Variants in PAK2 observed in about 807,000 individuals in gnomAD.
The protein encoded by PAK2 is p21 (RAC1) activated kinase 2, also known as serine/threonine-protein kinase PAK 2.
A neutral mutation model predicts 65.9 loss-of-function variants in PAK2; 21 were observed. The observed-to-expected ratio is 0.32, with a 90% confidence interval of 0.23 to 0.46. The LOEUF (loss-of-function observed/expected upper bound fraction) is 0.46, where lower values mean the gene tolerates loss of function less well. Among genes scored for constraint, PAK2 ranks in the 20% least tolerant of loss-of-function variants. PAK2 has a pLI of 1.00. For missense variants in PAK2, 324 were observed against 642.6 expected (o/e 0.50, Z 5.36); for synonymous variants, 204 against 219.7 (o/e 0.93, Z 0.63).
At chr3:196,758,481 AG>A (rs1713838391) in intron 1 of PAK2, among the ~76,000 whole-genome samples, 1 of 152,252 alleles carries the variant, frequency 6.6e-6, no homozygotes, top group East Asian at 1.9e-4. Flanking sequence ...TGGCAATTAA[AG>A]AAACAGTAAG....
At chr3:196,763,959 C>T (rs71630195) in intron 1 of PAK2, among the ~76,000 whole-genome samples, 20,782 of 124,374 alleles carry the variant, frequency 0.17, 1,649 homozygotes, top group Admixed American at 0.23. Flanking sequence ...CCACCACGCC[C>T]GGCTATTTTT....
chr3:196,819,582 T>C (rs749122602), intron 12 of PAK2, among the ~76,000 whole-genome samples: 1 of 152,212 alleles, frequency 6.6e-6, no homozygotes, highest in Admixed American at 6.6e-5. Context: ...TTCATGCATA[T>C]GTACATGCAT....
rs1029801656 is a variant in PAK2, at chr3:196,806,526, C to T, written c.469-53C>T. On this transcript the variant is annotated intron_variant, in intron 5 of 14. Coordinates refer to ENST00000327134, the MANE Select transcript of PAK2 (RefSeq NM_002577.4). ...AAGTACGTTCATAAAGGGCGATAGT[C>T]GCATTTAAGCCTATTGGACTTGTTT... The T allele has an allele frequency of 6.5e-6, 7 of 1,082,130 alleles. No individual in the cohort carries two copies. In the Admixed American group the frequency reaches 6.9e-5, roughly 11 times the overall value. The allele number at this position is 1,082,130 out of a possible 1,614,324, so 67.0% of individuals were successfully genotyped here.
Position 196,828,567 on chromosome 3 carries a change from A to G in PAK2, c.*162A>G, listed in dbSNP as rs1301208251. On this transcript the variant is annotated 3_prime_UTR_variant, in exon 15 of 15. Coordinates refer to ENST00000327134, the MANE Select transcript of PAK2 (RefSeq NM_002577.4). ...GAAGACAACCAAGAGAAAATTGCAA[A>G]AAGACAAGTATGACTTTTATATGAA... 1 of 609,446 alleles carries G rather than the reference A, an allele frequency of 1.6e-6. No individual in the cohort carries two copies. Among genetic ancestry groups the G allele is most frequent in the East Asian group, 3.0e-5 (1 of 33,804 alleles). The allele number at this position is 609,446 out of a possible 1,614,324, so 37.8% of individuals were successfully genotyped here.
intron 2 of PAK2, among the ~76,000 whole-genome samples, chr3:196,798,651 A>C (rs747731058): frequency 2.0e-5 from 3 of 152,118 alleles, no homozygotes; most frequent in Non-Finnish European, 4.4e-5. Flanking sequence ...GCCAATGTTA[A>C]ATTCTTAGCA....
At chr3:196,799,103 A>T (rs999914651) in intron 2 of PAK2, among the ~76,000 whole-genome samples, 3 of 152,232 alleles carry the variant, frequency 2.0e-5, no homozygotes, top group African/African-American at 7.2e-5. Context: ...ATTGGAAAGA[A>T]GTAAACTTGA....
At chr3:196,803,727 CAT>C (rs1433457504) in intron 4 of PAK2, among the ~76,000 whole-genome samples, 2 of 152,174 alleles carry the variant, frequency 1.3e-5, no homozygotes, top group African/African-American at 4.8e-5. Flanking sequence ...ATATCATCTA[CAT>C]AGTCACAGTA....
chr3:196,807,957 C>A, intron 7 of PAK2, 43 bp downstream of exon 7: 1 of 1,561,960 alleles, frequency 6.4e-7, no homozygotes, highest in Non-Finnish European at 8.7e-7. Flanking sequence ...TTGTTCACGG[C>A]TCTTAAAACA....
chr3:196,790,734 TGCAACCATCGGCCTCAACTAGCCAAG>T (rs1175239016), intron 2 of PAK2, among the ~76,000 whole-genome samples: 1 of 152,214 alleles, frequency 6.6e-6, no homozygotes, highest in African/African-American at 2.4e-5. Flanking sequence ...TGTAAAGCGT[TGCAACCATCGGCCTCAACTAGCCAAG>T]GAAGCTTGCA....
chr3:196,752,810 T>C (rs1284202160), intron 1 of PAK2, among the ~76,000 whole-genome samples: 1 of 150,336 alleles, frequency 6.7e-6, no homozygotes, highest in Non-Finnish European at 1.5e-5. Flanking sequence ...CGTGTTGGTC[T>C]CAAACTCCTG....
chr3:196,823,811 CAA>C (rs1004879720), intron 13 of PAK2, among the ~76,000 whole-genome samples: 46 of 76,820 alleles, frequency 6.0e-4, no homozygotes, highest in Admixed American at 9.3e-4. Flanking sequence ...GATTCTGTCG[CAA>C]AAAAAAAAAA....
At chr3:196,787,654 G>A (rs1309867281) in intron 2 of PAK2, among the ~76,000 whole-genome samples, 1 of 152,100 alleles carries the variant, frequency 6.6e-6, no homozygotes. Context: ...CTTTGTAGCT[G>A]AGGGTGGGGA....
intron 1 of PAK2, among the ~76,000 whole-genome samples, chr3:196,780,232 C>T (rs1419677664): frequency 2.0e-5 from 3 of 152,206 alleles, no homozygotes; most frequent in Non-Finnish European, 2.9e-5. Flanking sequence ...TTTTTCACTC[C>T]CTTTTCCCAG....
rs1711527975 is a variant in PAK2 at position 196,818,054 on chromosome 3, C to G, written c.1054-3C>G. 8.0e-7 allele frequency: 1 copy of G among 1,243,982 alleles called. No homozygotes were observed. Among genetic ancestry groups the G allele is most frequent in the Non-Finnish European group, 1.2e-6 (1 of 847,672 alleles). 77.1% of individuals were successfully genotyped at this position (1,243,982 alleles called of 1,614,324 possible). ...CATTAATAGGTGTTTTTCTTCTGTT[C>G]AGTGTTTACAGGCATTGGAGTTTTT... On this transcript the variant is annotated splice_region_variant and splice_polypyrimidine_tract_variant and intron_variant, in intron 11 of 14. Coordinates refer to ENST00000327134, the MANE Select transcript of PAK2 (RefSeq NM_002577.4).
chr3:196,783,754 C>G (rs560438136), intron 2 of PAK2, among the ~76,000 whole-genome samples: 23 of 152,208 alleles, frequency 1.5e-4, no homozygotes, highest in Middle Eastern at 6.8e-3. Flanking sequence ...AATTTTATAA[C>G]ATATCTAGTC....
rs1198442313 is a variant in PAK2 at position 196,791,546 on chromosome 3, T to C, written c.187+8713T>C. ...AGGAACCAGGAATACTCTTGCTAGA[T>C]ATGTTATCTCTCACCCTTCTTTTTA... is the stretch of plus-strand genomic sequence containing the variant. On this transcript the variant is annotated intron_variant, in intron 2 of 14. Transcript: ENST00000327134. This position sits in a 1 kb window ranked among gnomAD's most constrained non-coding sequence, Gnocchi z 4.0. Among the ~76,000 whole-genome samples the C allele has an allele frequency of 6.6e-6, 1 of 152,230 alleles. No individual in the cohort carries two copies. Among genetic ancestry groups the C allele is most frequent in the African/African-American group, 2.4e-5 (1 of 41,466 alleles).
intron 13 of PAK2, among the ~76,000 whole-genome samples, chr3:196,821,227 T>G (rs182343256): frequency 2.1e-4 from 32 of 152,152 alleles, no homozygotes; most frequent in African/African-American, 7.7e-4. Flanking sequence ...AATCAGAGGC[T>G]GAGGCAAGAG....
intron 1 of PAK2, among the ~76,000 whole-genome samples, chr3:196,779,931 A>G (rs1264732739): frequency 6.6e-6 from 1 of 152,186 alleles, no homozygotes; most frequent in South Asian, 2.1e-4. Context: ...TTGGCCTCCT[A>G]AAGTGTGGCG....
At chr3:196,811,037 T>A (rs1289116856) in intron 8 of PAK2, among the ~76,000 whole-genome samples, 1 of 152,042 alleles carries the variant, frequency 6.6e-6, no homozygotes, top group Non-Finnish European at 1.5e-5. Flanking sequence ...GATTTTGTTG[T>A]GTAATTTGTA....
Sources: gnomAD v4.1 joint callset for allele counts (sites outside exome capture counted in the v4.1 genomes callset) on GRCh38, gnomAD v4.1.1 for gene constraint, Gnocchi (gnomAD v3.1) non-coding constraint, MANE v1.5 for transcripts, NCBI Gene and HGNC (gene_info 2026-07-23, HGNC 2026-07-21) for gene names.